The following FARS2 variants were observed in gnomAD, a reference collection of about 807,000 sequenced individuals.
FARS2 encodes phenylalanyl-tRNA synthetase 2, mitochondrial.
In FARS2, 40 loss-of-function variants were observed where a neutral mutation model predicts 46.4. The ratio of observed to expected loss-of-function variants is 0.86; its 90% CI spans 0.67 to 1.12. FARS2 has a LOEUF of 1.12. FARS2 is among the 50% of genes most tolerant of loss of function. FARS2 has a pLI of 0.00. For synonymous variants in FARS2, 234 were observed against 214.9 expected (o/e 1.09, Z -0.78); for missense variants, 513 against 567.9 (o/e 0.90, Z 0.98).
rs9405829 is a variant in FARS2, at chr6:5,369,505, C to T, written c.612+323C>T. ...TCTGTGGCTCAAATTCACCTTTAAT[C>T]CAGGATGGCTGAAGGTGCAACATGG... On this transcript the variant is annotated intron_variant, in intron 2 of 6. Coordinates refer to ENST00000274680, the MANE Select transcript of FARS2 (RefSeq NM_006567.5). 0.22 allele frequency among the ~76,000 whole-genome samples: 33,350 copies of T among 152,070 alleles called. 4,528 individuals are homozygous for T. The highest frequency in any genetic ancestry group is 0.29 in the Non-Finnish European group (19,564 of 67,956).
At chr6:5,390,039 T>C (rs1235970938) in intron 2 of FARS2, among the ~76,000 whole-genome samples, 1 of 152,122 alleles carries the variant, frequency 6.6e-6, no homozygotes, top group African/African-American at 2.4e-5. Context: ...TAATTTTATA[T>C]TTTTAGTGGA....
chr6:5,718,364 G>A (rs1180834021), intron 6 of FARS2, among the ~76,000 whole-genome samples: 1 of 152,202 alleles, frequency 6.6e-6, no homozygotes, highest in African/African-American at 2.4e-5. Context: ...CTGGGCCCAT[G>A]GTGGGATCTT....
chr6:5,663,638 A>G (rs527651607), intron 6 of FARS2, among the ~76,000 whole-genome samples: 1 of 152,312 alleles, frequency 6.6e-6, no homozygotes, highest in South Asian at 2.1e-4. Flanking sequence ...AACCTAAAAA[A>G]AGACAAAAGT....
At chr6:5,405,863 C>T (rs1294257986) in intron 3 of FARS2, among the ~76,000 whole-genome samples, 2 of 152,106 alleles carry the variant, frequency 1.3e-5, no homozygotes, top group African/African-American at 2.4e-5. Context: ...CTGATTACCA[C>T]TATCAACAGG....
rs191913612 is a variant in FARS2 at position 5,566,238 on chromosome 6, T to A, written c.1065+20898T>A. Among the ~76,000 whole-genome samples, 44 of 152,138 alleles carry A rather than the reference T, an allele frequency of 2.9e-4. 3 individuals carry two copies. In the East Asian group the frequency reaches 7.1e-3, roughly 25 times the overall value. ...GGGAGTCTCATCTCTCAGTCGGGAG[T>A]GGGGATGTTTCCTTATCTTCCAGGT... On this transcript the variant is annotated intron_variant, in intron 5 of 6. Transcript: ENST00000274680.
At chr6:5,537,822 A>G (rs1770314747) in intron 4 of FARS2, among the ~76,000 whole-genome samples, 1 of 151,962 alleles carries the variant, frequency 6.6e-6, no homozygotes, top group Admixed American at 6.5e-5. Flanking sequence ...CACACTGATA[A>G]CTTCTCACTG....
At chr6:5,304,557 A>G (rs527879930) in intron 1 of FARS2, among the ~76,000 whole-genome samples, 1 of 152,320 alleles carries the variant, frequency 6.6e-6, no homozygotes, top group South Asian at 2.1e-4. Context: ...TCACAATGCC[A>G]CCACAAAGGC....
the FARS2 span, among the ~76,000 whole-genome samples, chr6:5,252,275 C>A: frequency 2.6e-5 from 4 of 152,172 alleles, no homozygotes; most frequent in South Asian, 2.1e-4. Flanking sequence ...GAAGCGGCAG[C>A]CCACGGGGAG....
intron 1 of FARS2, among the ~76,000 whole-genome samples, chr6:5,341,672 T>C (rs1969718): frequency 0.6 from 90,902 of 151,478 alleles, 27,564 homozygotes; most frequent in East Asian, 0.82. Flanking sequence ...GTTCCCACCA[T>C]CACACCCGGC....
intron 2 of FARS2, among the ~76,000 whole-genome samples, chr6:5,393,257 A>C (rs1296758664): frequency 7.0e-6 from 1 of 142,730 alleles, no homozygotes; most frequent in Non-Finnish European, 1.6e-5. Flanking sequence ...TGGAAAAGAT[A>C]CTCCCACAGA....
intron 6 of FARS2, among the ~76,000 whole-genome samples, chr6:5,629,524 A>G (rs1776194609): frequency 6.6e-6 from 1 of 152,072 alleles, no homozygotes; most frequent in Admixed American, 6.6e-5. Context: ...AATAGGGAGG[A>G]TGGGAGAGTT....
At chr6:5,714,996 G>A (rs1201230515) in intron 6 of FARS2, among the ~76,000 whole-genome samples, 2 of 152,144 alleles carry the variant, frequency 1.3e-5, no homozygotes, top group Non-Finnish European at 2.9e-5. Flanking sequence ...CTGCACTCCA[G>A]CCTGGGCAAC....
intron 6 of FARS2, among the ~76,000 whole-genome samples, chr6:5,622,525 GGGCTCTGCCCTCATGAAT>G (rs989184339): frequency 3.3e-5 from 5 of 152,202 alleles, no homozygotes; most frequent in African/African-American, 1.2e-4. Context: ...TAAGTCATGA[GGGCTCTGCCCTCATGAAT>G]GGGATTCGTG....
chr6:5,404,421 T>A, intron 2 of FARS2, 121 bp from the exon 3 acceptor site: 1 of 553,064 alleles, frequency 1.8e-6, no homozygotes, highest in South Asian at 3.9e-5. Flanking sequence ...CAGGACATAA[T>A]GAGTCTTATT....
intron 2 of FARS2, among the ~76,000 whole-genome samples, chr6:5,402,180 C>A (rs1761296412): frequency 6.6e-6 from 1 of 151,818 alleles, no homozygotes; most frequent in Non-Finnish European, 1.5e-5. Context: ...TTGTCCCTTG[C>A]ATGCTTTGGA....
intron 6 of FARS2, among the ~76,000 whole-genome samples, chr6:5,717,253 T>C (rs1161658215): frequency 1.3e-5 from 2 of 152,176 alleles, no homozygotes; most frequent in African/African-American, 4.8e-5. Context: ...AAGGCCTGCA[T>C]CTGAGACCTA....
intron 6 of FARS2, among the ~76,000 whole-genome samples, chr6:5,638,447 C>T (rs1373553169): frequency 6.6e-6 from 1 of 152,216 alleles, no homozygotes; most frequent in Non-Finnish European, 1.5e-5. Flanking sequence ...TGCCTGTAGT[C>T]CCAGCTACTT....
At chr6:5,294,894 G>A (rs1326758060) in intron 1 of FARS2, among the ~76,000 whole-genome samples, 2 of 152,062 alleles carry the variant, frequency 1.3e-5, no homozygotes, top group African/African-American at 4.8e-5. Context: ...AAAGTATAGG[G>A]TGGGACTCTC....
intron 1 of FARS2, among the ~76,000 whole-genome samples, chr6:5,364,932 A>G (rs1581892331): frequency 6.6e-6 from 1 of 152,024 alleles, no homozygotes; most frequent in African/African-American, 2.4e-5. Context: ...TCTCTGGGGC[A>G]GGGAGCCACT....
Sources: gnomAD v4.1 joint callset for allele counts (sites outside exome capture counted in the v4.1 genomes callset) on GRCh38, gnomAD v4.1.1 for gene constraint, MANE v1.5 for transcripts, NCBI Gene and HGNC (gene_info 2026-07-23, HGNC 2026-07-21) for gene names.